The following PRKAR1A variants were observed in gnomAD, a reference collection of about 807,000 sequenced individuals.
PRKAR1A encodes the protein protein kinase cAMP-dependent type I regulatory subunit alpha.
PRKAR1A carries 3 observed loss-of-function variants against 52.0 expected under a neutral mutation model. The ratio of observed to expected loss-of-function variants is 0.06; its 90% CI spans 0.03 to 0.15. PRKAR1A has a LOEUF of 0.15. PRKAR1A is among the 10% of genes least tolerant of loss of function. The pLI is 1.00. For synonymous variants in PRKAR1A, 188 were observed against 168.4 expected, an observed-to-expected ratio of 1.12 and a Z score of -0.90; for missense variants, 240 against 477.4, an observed-to-expected ratio of 0.50 and a Z score of 4.63.
chr17:68,451,202 A>G, the PRKAR1A span, among the ~76,000 whole-genome samples: 1,724 of 152,344 alleles, frequency 0.011, 30 homozygotes, highest in African/African-American at 0.039. Context: ...AGGCTGAGGC[A>G]GGAGAATCAC....
At chr17:68,426,680 G>T in the PRKAR1A span, among the ~76,000 whole-genome samples, 28 of 152,220 alleles carry the variant, frequency 1.8e-4, no homozygotes, top group East Asian at 2.3e-3. Flanking sequence ...TTGCAAGTGT[G>T]TGCCAACATG....
At chr17:68,429,129 C>G in the PRKAR1A span, among the ~76,000 whole-genome samples, 4 of 152,150 alleles carry the variant, frequency 2.6e-5, no homozygotes, top group Non-Finnish European at 4.4e-5. Flanking sequence ...AGGATTATTT[C>G]TTGTCTTTGA....
Position 68,525,770 on chromosome 17 carries a change from A to C in PRKAR1A, c.566A>C (p.Glu189Ala). The C allele has an allele frequency of 1.2e-6, 2 of 1,614,022 alleles. No individual in the cohort carries two copies. The highest frequency in any genetic ancestry group is 1.7e-6 in the Non-Finnish European group (2 of 1,179,922). ...GCACTTTAGGTCTATGTTAACAATG[A>C]ATGGGCAACCAGTGTTGGGGAAGGA... The part of the protein sequence containing the change: ...QGETDVYVNN[E>A]WATSVGEGGS... The change falls in exon 7 of 11, where the codon GAA becomes GCA. Residue 189 changes from glutamate to alanine, a missense_variant. This residue lies in a region of PRKAR1A where 107 missense variants were observed against 290.9 expected (regional missense o/e 0.37). Coordinates refer to ENST00000589228, the MANE Select transcript of PRKAR1A (RefSeq NM_002734.5).
At chr17:68,440,295 G>A in the PRKAR1A span, among the ~76,000 whole-genome samples, 1 of 152,174 alleles carries the variant, frequency 6.6e-6, no homozygotes, top group South Asian at 2.1e-4. Flanking sequence ...CGAGCCACAC[G>A]AATGTATCTT....
At chr17:68,536,455 A>G (rs143059408), downstream of PRKAR1A, 58 of 454,142 alleles carry the variant, frequency 1.3e-4, no homozygotes, top group African/African-American at 1.1e-3. Flanking sequence ...AGAGGAGACA[A>G]GGAATCCCTA....
At chr17:68,490,338 A>G in the PRKAR1A span, among the ~76,000 whole-genome samples, 7 of 152,314 alleles carry the variant, frequency 4.6e-5, no homozygotes, top group African/African-American at 1.7e-4. Context: ...TACCTTTGGC[A>G]GTTACCTGGA....
At chr17:68,484,421 T>C in the PRKAR1A span, among the ~76,000 whole-genome samples, 1 of 152,112 alleles carries the variant, frequency 6.6e-6, no homozygotes, top group Admixed American at 6.5e-5. Flanking sequence ...TTTGACTTTG[T>C]ATCCTACAAC....
At chr17:68,462,397 G>A in the PRKAR1A span, among the ~76,000 whole-genome samples, 2 of 152,144 alleles carry the variant, frequency 1.3e-5, no homozygotes, top group African/African-American at 2.4e-5. Context: ...AGGCATCTTC[G>A]CACTGGTCAA....
At chr17:68,476,641 T>A in the PRKAR1A span, among the ~76,000 whole-genome samples, 1 of 151,702 alleles carries the variant, frequency 6.6e-6, no homozygotes, top group Admixed American at 6.6e-5. Flanking sequence ...CCTCTCTCCC[T>A]CCCTCCATCC....
At chr17:68,535,288 G>A (rs1027757169), downstream of PRKAR1A, 1 of 453,966 alleles carries the variant, frequency 2.2e-6, no homozygotes, top group African/African-American at 2.0e-5. Flanking sequence ...GAATAATAAG[G>A]TAGGTGTACC....
At chr17:68,434,417 T>A in the PRKAR1A span, 1 of 783,582 alleles carries the variant, frequency 1.3e-6, no homozygotes, top group Non-Finnish European at 2.0e-6. Context: ...GGGAGTCAAT[T>A]ACCTGGGAGA....
the PRKAR1A span, among the ~76,000 whole-genome samples, chr17:68,439,727 G>T: frequency 1.3e-5 from 2 of 152,196 alleles, no homozygotes; most frequent in African/African-American, 4.8e-5. Context: ...CAAGACTGAG[G>T]TCTGCTATGT....
the PRKAR1A span, among the ~76,000 whole-genome samples, chr17:68,497,703 A>C: frequency 3.3e-5 from 5 of 152,188 alleles, no homozygotes; most frequent in Admixed American, 6.5e-5. Context: ...ATGAAAAAAA[A>C]CTGAAGCTTA....
At chr17:68,420,700 G>C in the PRKAR1A span, 1 of 545,342 alleles carries the variant, frequency 1.8e-6, no homozygotes, top group Non-Finnish European at 3.2e-6. Flanking sequence ...CACGGGCTTT[G>C]GAGTCAGGCA....
the PRKAR1A span, among the ~76,000 whole-genome samples, chr17:68,493,984 C>G: frequency 6.6e-6 from 1 of 151,886 alleles, no homozygotes; most frequent in African/African-American, 2.4e-5. Flanking sequence ...CATCGTCCAT[C>G]AAAAATTTTG....
the PRKAR1A span, among the ~76,000 whole-genome samples, chr17:68,491,337 C>G: frequency 6.6e-6 from 1 of 152,138 alleles, no homozygotes; most frequent in Non-Finnish European, 1.5e-5. Flanking sequence ...GGTGATCTGC[C>G]CGCTTCAACC....
the PRKAR1A span, chr17:68,427,311 C>T: frequency 5.3e-6 from 7 of 1,314,268 alleles, no homozygotes; most frequent in Non-Finnish European, 7.6e-6. Flanking sequence ...ATATCTAGGA[C>T]ACCTTCCAAA....
At chr17:68,517,058 T>A (rs548300051) in intron 2 of PRKAR1A, among the ~76,000 whole-genome samples, 15 of 152,356 alleles carry the variant, frequency 9.8e-5, no homozygotes, top group South Asian at 2.1e-4. Context: ...GCCACAGTAC[T>A]GTTTAAAGAC....
chr17:68,450,680 G>T, the PRKAR1A span: 1 of 1,548,424 alleles, frequency 6.5e-7, no homozygotes, highest in Admixed American at 2.1e-5. Flanking sequence ...TTTTTGTTTG[G>T]CTCCCGTTAG....
Sources: allele counts gnomAD v4.1 joint callset (sites outside exome capture counted in the v4.1 genomes callset), GRCh38; gene constraint gnomAD v4.1.1; regional missense constraint gnomAD v4.1.1; transcripts MANE v1.5; gene names NCBI Gene and HGNC (gene_info 2026-07-23, HGNC 2026-07-21).